The following LMOD1 variants were observed in gnomAD, a reference collection of about 807,000 sequenced individuals.
The protein encoded by LMOD1 is leiomodin-1.
LMOD1 carries 8 observed loss-of-function variants against 36.5 expected under a neutral mutation model. The ratio of observed to expected loss-of-function variants is 0.22; its 90% CI spans 0.13 to 0.40. The LOEUF (loss-of-function observed/expected upper bound fraction) is 0.40. Ranked by LOEUF, LMOD1 falls within the 10% of genes least tolerant of loss-of-function variation. LMOD1 has a pLI of 1.00. For missense variants in LMOD1, 630 were observed against 751.1 expected, an observed-to-expected ratio of 0.84 and a Z score of 1.88; for synonymous variants, 284 against 288.7, an observed-to-expected ratio of 0.98 and a Z score of 0.17.
intron 1 of LMOD1, among the ~76,000 whole-genome samples, chr1:201,908,235 C>A (rs534641801): frequency 1.3e-5 from 2 of 152,180 alleles, no homozygotes; most frequent in Non-Finnish European, 2.9e-5. Context: ...TACCTGCTTC[C>A]GCTACTTCAA....
intron 1 of LMOD1, among the ~76,000 whole-genome samples, chr1:201,925,680 T>C (rs1681816523): frequency 6.6e-6 from 1 of 150,666 alleles, no homozygotes; most frequent in Non-Finnish European, 1.5e-5. Context: ...TTTTTTTTTT[T>C]CAATCTCTTT....
intron 1 of LMOD1, among the ~76,000 whole-genome samples, chr1:201,907,567 T>C (rs979657200): frequency 6.6e-6 from 1 of 152,228 alleles, no homozygotes; most frequent in Non-Finnish European, 1.5e-5. Flanking sequence ...TGACCATGTA[T>C]TAAGCCCTGG....
At chr1:201,942,590 T>C (rs1254775513) in intron 1 of LMOD1, among the ~76,000 whole-genome samples, 1 of 152,074 alleles carries the variant, frequency 6.6e-6, no homozygotes, top group East Asian at 1.9e-4. Context: ...AGCCAGAGTA[T>C]GCATCTTGGG....
chr1:201,934,479 G>A (rs888367882), intron 1 of LMOD1, among the ~76,000 whole-genome samples: 1 of 152,084 alleles, frequency 6.6e-6, no homozygotes, highest in African/African-American at 2.4e-5. Context: ...CCCTTCACTG[G>A]TGTTATCAGT....
intron 1 of LMOD1, among the ~76,000 whole-genome samples, chr1:201,909,395 A>G (rs1681456588): frequency 6.6e-6 from 1 of 152,154 alleles, no homozygotes; most frequent in African/African-American, 2.4e-5. Flanking sequence ...CTTTGAGCCC[A>G]TATTTCTTTC....
chr1:201,935,878 C>T (rs1298303153), intron 1 of LMOD1, among the ~76,000 whole-genome samples: 4 of 151,082 alleles, frequency 2.6e-5, no homozygotes, highest in East Asian at 2.0e-4. Flanking sequence ...TTTGGGAGGC[C>T]GAGGTGGGCA....
At chr1:201,908,713 AG>A (rs1472258444) in intron 1 of LMOD1, among the ~76,000 whole-genome samples, 4 of 152,102 alleles carry the variant, frequency 2.6e-5, no homozygotes, top group African/African-American at 7.2e-5. Context: ...ACACTCAGCA[AG>A]GGGGTTTACA....
intron 1 of LMOD1, among the ~76,000 whole-genome samples, chr1:201,933,611 ATATATATATATATG>A (rs1310263565): frequency 1.3e-5 from 1 of 74,124 alleles, no homozygotes; most frequent in Non-Finnish European, 3.2e-5. Context: ...ATATATATAT[ATATATATATATATG>A]GCAAGACTAA....
chr1:201,916,193 C>T (rs1050601918), intron 1 of LMOD1, among the ~76,000 whole-genome samples: 7 of 151,992 alleles, frequency 4.6e-5, no homozygotes, highest in South Asian at 2.1e-4. Flanking sequence ...GCTGAGATTA[C>T]GGTGTGAGCC....
At chr1:201,931,400 C>T (rs1410891071) in intron 1 of LMOD1, among the ~76,000 whole-genome samples, 5 of 151,828 alleles carry the variant, frequency 3.3e-5, no homozygotes, top group Admixed American at 6.6e-5. Context: ...CTGGGCGTGG[C>T]GGTGCGTGCC....
At chr1:201,933,894 T>G (rs1222297370) in intron 1 of LMOD1, among the ~76,000 whole-genome samples, 2 of 152,136 alleles carry the variant, frequency 1.3e-5, no homozygotes, top group Non-Finnish European at 2.9e-5. Flanking sequence ...AAATATTAAA[T>G]GCTTGTCTGA....
intron 1 of LMOD1, among the ~76,000 whole-genome samples, chr1:201,939,037 G>C (rs976021740): frequency 3.3e-5 from 5 of 152,084 alleles, no homozygotes; most frequent in African/African-American, 1.2e-4. Flanking sequence ...AAGAAATCAG[G>C]CTGCTGGGGC....
intron 1 of LMOD1, among the ~76,000 whole-genome samples, chr1:201,915,862 G>A (rs1681600415): frequency 6.6e-6 from 1 of 152,018 alleles, no homozygotes; most frequent in South Asian, 2.1e-4. Context: ...TCCTTGCACG[G>A]CAGCCCCAGG....
At chr1:201,901,585 CAT>C (rs1242143230) in intron 1 of LMOD1, among the ~76,000 whole-genome samples, 117 of 4,962 alleles carry the variant, frequency 0.024, 12 homozygotes, top group Admixed American at 0.045. Context: ...TATATATATA[CAT>C]ATATATATGT....
intron 1 of LMOD1, among the ~76,000 whole-genome samples, chr1:201,916,043 A>G (rs550445987): frequency 6.6e-6 from 1 of 151,770 alleles, no homozygotes; most frequent in African/African-American, 2.4e-5. Flanking sequence ...TCAGCCTCCT[A>G]GGTAGCTGCT....
chr1:201,930,132 G>A (rs564980830), intron 1 of LMOD1, among the ~76,000 whole-genome samples: 5 of 152,288 alleles, frequency 3.3e-5, no homozygotes, highest in East Asian at 1.9e-4. Context: ...AAGAGTATTC[G>A]TAGCTTGAGA....
rs1681253850 is a variant in LMOD1 at position 201,899,483 on chromosome 1, T to C, written c.1530A>G (p.Lys510=). 5.6e-6 allele frequency: 9 copies of C among 1,613,618 alleles called. No homozygotes were observed. Among genetic ancestry groups the C allele is most frequent in the Non-Finnish European group, 7.6e-6 (9 of 1,179,848 alleles). The change falls in exon 2 of 3, where the codon AAA becomes AAG. Residue 510 remains lysine (K), a synonymous_variant. Coordinates refer to ENST00000367288, the MANE Select transcript of LMOD1 (RefSeq NM_012134.3). This position sits in a 1 kb window ranked among gnomAD's most constrained non-coding sequence, Gnocchi z 6.3. ...GCTTTGGAGATGGTTGAGGTGAAGG[T>C]TTTGGGGAGCCCTTAGCCACGGCCC... The part of the protein sequence containing the change: ...KAGAVAKGSP[K]PSPQPSPKPS...
chr1:201,908,802 G>A (rs1395714484), intron 1 of LMOD1, among the ~76,000 whole-genome samples: 17 of 152,188 alleles, frequency 1.1e-4, no homozygotes, highest in East Asian at 1.9e-4. Flanking sequence ...GAAACTGTCC[G>A]AAATGGAAGG....
At chr1:201,910,416 A>G (rs1322880394) in intron 1 of LMOD1, among the ~76,000 whole-genome samples, 1 of 152,030 alleles carries the variant, frequency 6.6e-6, no homozygotes, top group Non-Finnish European at 1.5e-5. Flanking sequence ...TAGGACTACA[A>G]GCGTGCATGA....
Sources: allele counts gnomAD v4.1 joint callset (sites outside exome capture counted in the v4.1 genomes callset), GRCh38; gene constraint gnomAD v4.1.1; non-coding constraint Gnocchi (gnomAD v3.1); transcripts MANE v1.5; gene names NCBI Gene and HGNC (gene_info 2026-07-23, HGNC 2026-07-21).